Variants in MTX2 observed in about 807,000 individuals in gnomAD.
MTX2 encodes metaxin 2, also known as metaxin-2.
Under a neutral mutation model 42.3 loss-of-function variants are expected in MTX2, and 35 were observed. The ratio of observed to expected loss-of-function variants is 0.83; its 90% CI spans 0.63 to 1.10. MTX2 has a LOEUF of 1.10. MTX2 is among the 50% of genes least tolerant of loss of function. The pLI, the probability that MTX2 is intolerant of heterozygous loss-of-function variation, is 0.00. For synonymous variants in MTX2, 119 were observed against 100.9 expected (o/e 1.18, Z -1.08); for missense variants, 307 against 304.1 (o/e 1.01, Z -0.07).
chr2:176,280,759 A>G (rs1693060967), intron 1 of MTX2, among the ~76,000 whole-genome samples: 2 of 152,370 alleles, frequency 1.3e-5, no homozygotes, highest in East Asian at 1.9e-4. Context: ...ACGTAGCAGT[A>G]TACTTAATAT....
intron 3 of MTX2, among the ~76,000 whole-genome samples, chr2:176,305,149 AAAG>A (rs1455277909): frequency 2.0e-5 from 3 of 152,068 alleles, no homozygotes; most frequent in East Asian, 1.9e-4. Flanking sequence ...TCTTTGGAAT[AAAG>A]AAGAGGAAAG....
chr2:176,296,329 G>T lies in MTX2; in HGVS notation c.41-531G>T, dbSNP rs138408510. Among the ~76,000 whole-genome samples the T allele has an allele frequency of 2.0e-4, 31 of 152,228 alleles. No individual in the cohort carries two copies. In the East Asian group the frequency reaches 6.0e-3, roughly 29 times the overall value. ...TTCTGGAATACAACAGGATTCCTCTGTATTTTTAAATACTGCCAGATTGTG... is the reference window on the plus strand; with the variant it reads ...TTCTGGAATACAACAGGATTCCTCTTTATTTTTAAATACTGCCAGATTGTG... On this transcript the variant is annotated intron_variant, in intron 1 of 9. Coordinates refer to ENST00000249442, the MANE Select transcript of MTX2 (RefSeq NM_006554.5).
chr2:176,276,717 C>G (rs1692954680), intron 1 of MTX2, among the ~76,000 whole-genome samples: 1 of 152,022 alleles, frequency 6.6e-6, no homozygotes, highest in Non-Finnish European at 1.5e-5. Flanking sequence ...GATATTAACT[C>G]TTAACATGTA....
chr2:176,331,799 C>A (rs978536573), intron 9 of MTX2, among the ~76,000 whole-genome samples: 2 of 151,148 alleles, frequency 1.3e-5, no homozygotes, highest in Non-Finnish European at 3.0e-5. Context: ...TACGTGATTT[C>A]TTTTCTTTCT....
chr2:176,330,654 A>G lies in MTX2; in HGVS notation c.614A>G (p.Asn205Ser), dbSNP rs774599017. ...QRLGTQPYFF[N>S]KQPTELDALV... ...CTGGGAACACAACCGTATTTCTTCA[A>G]TAAGCAGTAAGAAATTTTACTTTTT... The change falls in exon 9 of 10, where the codon AAT becomes AGT. Residue 205 changes from asparagine to serine, a missense_variant. By Grantham distance (46) the Asn-to-Ser change is conservative. Transcript: ENST00000249442. 5.9e-5 allele frequency: 93 copies of G among 1,586,848 alleles called. No individual in the cohort carries two copies. The highest frequency in any genetic ancestry group is 7.7e-5 in the Non-Finnish European group (90 of 1,162,546).
At chr2:176,332,387 G>C (rs974763097) in intron 9 of MTX2, among the ~76,000 whole-genome samples, 1 of 151,274 alleles carries the variant, frequency 6.6e-6, no homozygotes, top group Non-Finnish European at 1.5e-5. Context: ...CCTAAGTCAG[G>C]TATTATACTG....
At position 176,317,924 on chromosome 2, in the gene MTX2, C is replaced by T. The variant is rs138740605; in HGVS notation, c.136-5468C>T. ...TTTGCTGTCCTGTGTCTCACCTCTG[C>T]CTTCTGTGTTACTTGGTGCTTCCAA... On this transcript the variant is annotated intron_variant, in intron 3 of 9. Transcript: ENST00000249442. 4.6e-5 allele frequency among the ~76,000 whole-genome samples: 7 copies of T among 152,228 alleles called. No homozygotes were observed. The East Asian group carries it at 1.4e-3, about 29-fold the overall frequency.
At position 176,328,941 on chromosome 2, in the gene MTX2, T is replaced by C. The variant is rs750736673; in HGVS notation, c.417+29T>C. Reference sequence around the variant, plus strand: ...AGTGGTTCTGTAACATTTATCTTAATTAAAATTTAATGAGAAAACACTTTT... The same window carrying C: ...AGTGGTTCTGTAACATTTATCTTAACTAAAATTTAATGAGAAAACACTTTT... On this transcript the variant is annotated intron_variant, in intron 7 of 9. Transcript: ENST00000249442. The C allele has an allele frequency of 3.8e-5, 60 of 1,579,110 alleles. No individual in the cohort carries two copies. The South Asian group carries it at 6.5e-4, about 17-fold the overall frequency.
chr2:176,308,816 A>G (rs940434082), intron 3 of MTX2, among the ~76,000 whole-genome samples: 11 of 151,766 alleles, frequency 7.2e-5, no homozygotes, highest in Admixed American at 3.9e-4. Context: ...TGGTCTATCA[A>G]TTTTGTTGAT....
chr2:176,303,051 G>C (rs183026796), intron 3 of MTX2, among the ~76,000 whole-genome samples: 2 of 152,198 alleles, frequency 1.3e-5, no homozygotes, highest in East Asian at 3.9e-4. Context: ...GCTACCTGCA[G>C]AATTTTAGAG....
chr2:176,325,574 A>G (rs867573311), intron 4 of MTX2, among the ~76,000 whole-genome samples: 4 of 151,804 alleles, frequency 2.6e-5, no homozygotes, highest in African/African-American at 4.8e-5. Flanking sequence ...GAAACTGGTC[A>G]TTAAAAACAA....
intron 3 of MTX2, among the ~76,000 whole-genome samples, chr2:176,308,734 GA>G (rs1684218604): frequency 6.6e-6 from 1 of 152,124 alleles, no homozygotes; most frequent in Non-Finnish European, 1.5e-5. Context: ...GATCGTTGGT[GA>G]TATCCCCTTT....
At chr2:176,278,596 G>T (rs1693004340) in intron 1 of MTX2, among the ~76,000 whole-genome samples, 1 of 152,072 alleles carries the variant, frequency 6.6e-6, no homozygotes, top group Non-Finnish European at 1.5e-5. Flanking sequence ...AGACTTTTGA[G>T]TTATTAACGT....
At chr2:176,320,700 T>TG (rs1684564695) in intron 3 of MTX2, among the ~76,000 whole-genome samples, 1 of 150,854 alleles carries the variant, frequency 6.6e-6, no homozygotes, top group East Asian at 1.9e-4. Context: ...TTATTCTTTT[T>TG]TTTTTTTTTT....
intron 3 of MTX2, among the ~76,000 whole-genome samples, chr2:176,314,390 T>C (rs1262350340): frequency 6.6e-6 from 1 of 151,894 alleles, no homozygotes; most frequent in African/African-American, 2.4e-5. Context: ...TGAGTCGAGA[T>C]TGCACTGCTG....
chr2:176,282,129 T>TTTTTTGTTTTTG (rs1693093044), intron 1 of MTX2, among the ~76,000 whole-genome samples: 1 of 132,494 alleles, frequency 7.5e-6, no homozygotes, highest in Non-Finnish European at 1.6e-5. Context: ...TACAGTAGTT[T>TTTTTTGTTTTTG]TTTTTTTTTT....
intron 1 of MTX2, chr2:176,270,188 G>A: frequency 3.0e-6 from 1 of 331,052 alleles, no homozygotes; most frequent in Non-Finnish European, 5.8e-6. Flanking sequence ...TTTATTTGTT[G>A]AGACGGAGTT....
intron 1 of MTX2, among the ~76,000 whole-genome samples, chr2:176,281,213 T>A (rs771326266): frequency 4.6e-5 from 7 of 152,154 alleles, no homozygotes; most frequent in African/African-American, 1.4e-4. Flanking sequence ...GGGTTACTTA[T>A]GTATAGGGTG....
intron 1 of MTX2, among the ~76,000 whole-genome samples, chr2:176,289,609 A>C (rs1027163838): frequency 4.6e-5 from 7 of 152,086 alleles, no homozygotes; most frequent in African/African-American, 7.2e-5. Context: ...AAATGATAAA[A>C]ATTTATTGCA....
Sources: gnomAD v4.1 joint callset for allele counts (sites outside exome capture counted in the v4.1 genomes callset) on GRCh38, gnomAD v4.1.1 for gene constraint, MANE v1.5 for transcripts, NCBI Gene and HGNC (gene_info 2026-07-23, HGNC 2026-07-21) for gene names.